IRAK2: variants seen among roughly 807,000 people sequenced by gnomAD.
IRAK2 encodes the protein interleukin 1 receptor associated kinase 2.
Under a neutral mutation model 72.0 loss-of-function variants are expected in IRAK2, and 57 were observed. The ratio of observed to expected loss-of-function variants is 0.79; its 90% CI spans 0.64 to 0.99. The LOEUF is 0.99. Among genes scored for constraint, IRAK2 ranks in the 50% least tolerant of loss-of-function variants. The probability of loss-of-function intolerance (pLI) is 0.00; values close to 1 mark genes in which losing one functional copy is unlikely to be tolerated. For missense variants in IRAK2, 790 were observed against 794.4 expected, an observed-to-expected ratio of 0.99 and a Z score of 0.07; for synonymous variants, 293 against 312.7, an observed-to-expected ratio of 0.94 and a Z score of 0.67.
intron 2 of IRAK2, among the ~76,000 whole-genome samples, chr3:10,199,665 A>G (rs1465191014): frequency 2.0e-5 from 3 of 152,088 alleles, no homozygotes; most frequent in African/African-American, 7.2e-5. Context: ...TGCAGTCTAC[A>G]GCGCCCATTC....
At position 10,178,017 on chromosome 3, in the gene IRAK2, A is replaced by AACTGTG. The variant is rs1292367667; in HGVS notation, c.276_277+4dup. Reference sequence around the variant, plus strand: ...CTACCGGGCTGCCCAGATCATCCTGAACTGTGAGTAACTCAGGGCCCTCCT... The same window carrying AACTGTG: ...CTACCGGGCTGCCCAGATCATCCTGAACTGTGACTGTGAGTAACTCAGGGCCCTCCT... On this transcript the variant is annotated inframe_insertion, in exon 2 of 13. Coordinates refer to ENST00000256458, the MANE Select transcript of IRAK2 (RefSeq NM_001570.4). The AACTGTG allele has an allele frequency of 3.1e-6, 5 of 1,601,270 alleles. No homozygotes were observed. The South Asian group carries it at 5.6e-5, about 18-fold the overall frequency.
intron 2 of IRAK2, among the ~76,000 whole-genome samples, chr3:10,183,581 C>A (rs891503997): frequency 6.6e-6 from 1 of 152,060 alleles, no homozygotes; most frequent in South Asian, 2.1e-4. Flanking sequence ...ATTAGCCTGG[C>A]GTGGTTGCGG....
intron 9 of IRAK2, among the ~76,000 whole-genome samples, chr3:10,224,513 G>A (rs1164403778): frequency 7.4e-6 from 1 of 135,314 alleles, no homozygotes; most frequent in Admixed American, 7.5e-5. Flanking sequence ...ATATAAGCAG[G>A]TGAGCATGGC....
chr3:10,192,080 G>A (rs983843726), intron 2 of IRAK2, among the ~76,000 whole-genome samples: 2 of 151,102 alleles, frequency 1.3e-5, no homozygotes, highest in African/African-American at 2.5e-5. Flanking sequence ...GTGTGTGACT[G>A]TGTATGGCCT....
intron 1 of IRAK2, among the ~76,000 whole-genome samples, chr3:10,169,128 G>T (rs1056723010): frequency 9.2e-5 from 14 of 152,146 alleles, no homozygotes; most frequent in Admixed American, 4.6e-4. Flanking sequence ...ATTTCAAAAG[G>T]GGAGGGGTGT....
At chr3:10,165,783 T>C (rs953371854) in intron 1 of IRAK2, among the ~76,000 whole-genome samples, 4 of 141,848 alleles carry the variant, frequency 2.8e-5, no homozygotes, top group Admixed American at 2.3e-4. Context: ...CAGGCTGGAG[T>C]GCAGTGGCGC....
intron 4 of IRAK2, among the ~76,000 whole-genome samples, chr3:10,210,438 T>C (rs1173159983): frequency 6.6e-6 from 1 of 152,176 alleles, no homozygotes; most frequent in Admixed American, 6.6e-5. Context: ...GGATTAAAAA[T>C]GAGGACATTT....
intron 10 of IRAK2, among the ~76,000 whole-genome samples, chr3:10,234,228 C>T (rs1697912256): frequency 6.6e-6 from 1 of 152,092 alleles, no homozygotes; most frequent in Non-Finnish European, 1.5e-5. Flanking sequence ...AAAATTAAGG[C>T]CCCACGTTTG....
At chr3:10,165,189 C>T in intron 1 of IRAK2, 141 bp downstream of exon 1, 1 of 678,080 alleles carries the variant, frequency 1.5e-6, no homozygotes. Flanking sequence ...CCTCCTGGAC[C>T]GGGTCCGCCG....
rs538193208 is a variant in IRAK2 at position 10,177,870 on chromosome 3, C to T, written c.127C>T (p.Arg43Trp). The T allele has an allele frequency of 1.1e-5, 18 of 1,613,546 alleles. No individual in the cohort carries two copies. Among genetic ancestry groups the T allele is most frequent in the African/African-American group, 2.7e-5 (2 of 75,048 alleles). ...CGTGATCACAGACCTGACCCAGCTG[C>T]GGAAGATCAAGTCCATGGAGCGGGT... Reference protein sequence around the residue: ...SYVITDLTQLRKIKSMERVQG... With the variant: ...SYVITDLTQLWKIKSMERVQG... The change falls in exon 2 of 13, where the codon CGG becomes TGG. Residue 43 changes from arginine to tryptophan, a missense_variant. By Grantham distance (101) the Arg-to-Trp change is moderately radical. Transcript: ENST00000256458.
intron 9 of IRAK2, among the ~76,000 whole-genome samples, chr3:10,223,377 G>A (rs759128254): frequency 1.4e-4 from 21 of 150,410 alleles, no homozygotes; most frequent in Non-Finnish European, 2.4e-4. Context: ...CCATTATGTC[G>A]TGCCAGGCAC....
chr3:10,235,824 C>T (rs960254623), intron 11 of IRAK2, among the ~76,000 whole-genome samples: 33 of 152,306 alleles, frequency 2.2e-4, no homozygotes, highest in African/African-American at 7.2e-4. Context: ...GCTCTCTGGA[C>T]TCCCAGTTCA....
intron 10 of IRAK2, among the ~76,000 whole-genome samples, chr3:10,233,724 T>A (rs1472504075): frequency 6.6e-6 from 1 of 152,220 alleles, no homozygotes; most frequent in African/African-American, 2.4e-5. Flanking sequence ...AAGTGCCATA[T>A]AAATGGTAGC....
At chr3:10,223,799 C>T (rs1559451372) in intron 9 of IRAK2, among the ~76,000 whole-genome samples, 1 of 152,208 alleles carries the variant, frequency 6.6e-6, no homozygotes, top group Non-Finnish European at 1.5e-5. Context: ...ATACAGCTGC[C>T]CCTTGGGCCT....
intron 9 of IRAK2, 114 bp downstream of exon 9, chr3:10,222,945 A>T (rs1575984178): frequency 1.0e-6 from 1 of 959,254 alleles, no homozygotes. Flanking sequence ...ATCAAAGTAC[A>T]ACAGGGGCTG....
chr3:10,215,414 ATT>A lies in IRAK2; in HGVS notation c.789-1519_789-1518del, dbSNP rs67063563. 7.1e-3 allele frequency among the ~76,000 whole-genome samples: 953 copies of A among 133,548 alleles called. 19 individuals carry two copies. Among genetic ancestry groups the A allele is most frequent in the Middle Eastern group, 0.013 (3 of 240 alleles). 87.6% of individuals were successfully genotyped at this position (133,548 alleles called of 152,430 possible). ...GTCTCAAAAAAAAAAAAAAAAAAAA[ATT>A]AATTAATTAATTAAAAAGTAAAACA... On this transcript the variant is annotated intron_variant, in intron 6 of 12. Coordinates refer to ENST00000256458, the MANE Select transcript of IRAK2 (RefSeq NM_001570.4).
intron 3 of IRAK2, among the ~76,000 whole-genome samples, chr3:10,207,591 T>C (rs1208704258): frequency 6.6e-6 from 1 of 152,054 alleles, no homozygotes; most frequent in Non-Finnish European, 1.5e-5. Flanking sequence ...AATCTTCACA[T>C]GGGGCCTAGT....
chr3:10,176,724 G>A (rs1696881576), intron 1 of IRAK2, among the ~76,000 whole-genome samples: 1 of 151,742 alleles, frequency 6.6e-6, no homozygotes, highest in East Asian at 1.9e-4. Context: ...CGATCTGCCC[G>A]CCTTGGCCTT....
chr3:10,235,021 T>C (rs1185262059), intron 11 of IRAK2, among the ~76,000 whole-genome samples: 2 of 152,196 alleles, frequency 1.3e-5, no homozygotes, highest in African/African-American at 4.8e-5. Context: ...GCCTCCACCC[T>C]GAGTCCCACC....
Sources: allele counts gnomAD v4.1 joint callset (sites outside exome capture counted in the v4.1 genomes callset), GRCh38; gene constraint gnomAD v4.1.1; transcripts MANE v1.5; gene names NCBI Gene and HGNC (gene_info 2026-07-23, HGNC 2026-07-21).